Variants in GATM observed in about 807,000 individuals in gnomAD.
GATM encodes glycine amidinotransferase.
In GATM, 23 loss-of-function variants were observed where a neutral mutation model predicts 54.2. The observed-to-expected ratio is 0.42, with a 90% CI of 0.31 to 0.60. The LOEUF is 0.60. GATM is among the 20% of genes least tolerant of loss of function. The probability of loss-of-function intolerance (pLI) is 0.14; values close to 1 mark genes in which losing one functional copy is unlikely to be tolerated. For missense variants in GATM, 401 were observed against 544.9 expected (o/e 0.74, Z 2.63); for synonymous variants, 168 against 183.1 (o/e 0.92, Z 0.67).
chr15:45,361,995 G>A lies in GATM; in HGVS notation c.*114C>T, dbSNP rs778880426. Reference sequence around the variant, plus strand: ...AACCAGGCTTACGACCCCTGTTAAGGAGATGATTGTTTAAAGCACTACAGT... The same window carrying A: ...AACCAGGCTTACGACCCCTGTTAAGAAGATGATTGTTTAAAGCACTACAGT... On this transcript the variant is annotated 3_prime_UTR_variant, in exon 9 of 9. Coordinates refer to ENST00000396659, the MANE Select transcript of GATM (RefSeq NM_001482.3). 3 of 727,924 alleles carry A rather than the reference G, an allele frequency of 4.1e-6. No individual in the cohort carries two copies. Among genetic ancestry groups the A allele is most frequent in the Non-Finnish European group, 7.5e-6 (3 of 399,098 alleles). The allele number at this position is 727,924 out of a possible 1,614,324, so 45.1% of individuals were successfully genotyped here. A position where few individuals can be genotyped will look rare whatever the true frequency, so the allele number is the denominator to read the frequency against.
At chr15:45,400,135 T>G (rs1196475125) in intron 1 of GATM, among the ~76,000 whole-genome samples, 1 of 152,194 alleles carries the variant, frequency 6.6e-6, no homozygotes, top group Non-Finnish European at 1.5e-5. Context: ...GGCAGGAGAA[T>G]TGCTTGAACT....
chr15:45,387,594 G>C (rs1889817996), intron 3 of GATM, among the ~76,000 whole-genome samples: 1 of 152,148 alleles, frequency 6.6e-6, no homozygotes, highest in African/African-American at 2.4e-5. Context: ...TCTTTCGCCA[G>C]ACCTCTGGAG....
intron 3 of GATM, among the ~76,000 whole-genome samples, chr15:45,392,612 T>G (rs1394323858): frequency 6.6e-6 from 1 of 152,140 alleles, no homozygotes; most frequent in Non-Finnish European, 1.5e-5. Context: ...GGATGCTGGG[T>G]TTTTTTATGT....
rs926314180 is a variant in GATM at position 45,378,136 on chromosome 15, T to C, written c.69+249A>G. On this transcript the variant is annotated intron_variant, in intron 1 of 8. Transcript: ENST00000396659. ...AGGCCGCGGACGCGCAGACAGCAAGTGGACCCCAAGGGCTGGAGCCGCAAC... is the reference window on the plus strand; with the variant it reads ...AGGCCGCGGACGCGCAGACAGCAAGCGGACCCCAAGGGCTGGAGCCGCAAC... The C allele has an allele frequency of 6.8e-6, 3 of 442,320 alleles. No homozygotes were observed. In the Admixed American group the frequency reaches 1.3e-4, roughly 20 times the overall value. 27.4% of individuals were successfully genotyped at this position (442,320 alleles called of 1,614,324 possible). A position where few individuals can be genotyped will look rare whatever the true frequency, so the allele number is the denominator to read the frequency against.
chr15:45,402,221 C>A (rs1890030720), upstream of GATM: 1 of 661,976 alleles, frequency 1.5e-6, no homozygotes, highest in Non-Finnish European at 2.4e-6. Flanking sequence ...CTCGATTTCA[C>A]GAAAGCGGAC....
At chr15:45,364,938 T>A in intron 6 of GATM, 78 bp from the exon 7 acceptor site, 1 of 1,153,050 alleles carries the variant, frequency 8.7e-7, no homozygotes. Flanking sequence ...ATAGCCCTTA[T>A]CAGTAATAAT....
intron 6 of GATM, among the ~76,000 whole-genome samples, chr15:45,365,157 G>T (rs1889428092): frequency 6.6e-6 from 1 of 152,100 alleles, no homozygotes; most frequent in South Asian, 2.1e-4. Context: ...CTGTCCTTAA[G>T]AAATTCTCAT....
chr15:45,401,797 A>G (rs1156414711), intron 1 of GATM: 2 of 152,238 alleles, frequency 1.3e-5, no homozygotes, highest in African/African-American at 4.8e-5. Context: ...TTTCCTCTCT[A>G]CAAGGGATTT....
upstream of GATM, chr15:45,380,127 A>C (rs1889718315): frequency 8.2e-6 from 1 of 121,374 alleles, no homozygotes; most frequent in Admixed American, 8.4e-5. Context: ...CCGTCTCAAA[A>C]AAAAAAAAAA....
In GATM at chr15:45,366,115, A is replaced by G. The variant is rs2140641491; in HGVS notation, c.909T>C (p.His303=). 6.2e-7 allele frequency: 1 copy of G among 1,614,074 alleles called. No homozygotes were observed. Among genetic ancestry groups the G allele is most frequent in the East Asian group, 2.2e-5 (1 of 44,882 alleles). The change falls in exon 6 of 9, where the codon CAT becomes CAC. Residue 303 remains histidine, a synonymous_variant. Coordinates refer to ENST00000396659, the MANE Select transcript of GATM (RefSeq NM_001482.3). ...IISFKDPNPM[H]IDATFNIIGP... is the part of the protein sequence containing the mutation. ...CAATGATGTTGAAGGTAGCATCAAT[A>G]TGCATGGGATTGGGATCTTTAAAGG...
At chr15:45,381,537 G>T (rs1889741273), upstream of GATM, among the ~76,000 whole-genome samples, 1 of 152,190 alleles carries the variant, frequency 6.6e-6, no homozygotes, top group Non-Finnish European at 1.5e-5. Context: ...AGAGCCCGTT[G>T]TAAGAATTTA....
intron 2 of GATM, among the ~76,000 whole-genome samples, chr15:45,398,934 C>A (rs1475224136): frequency 6.6e-6 from 1 of 151,794 alleles, no homozygotes; most frequent in Non-Finnish European, 1.5e-5. Flanking sequence ...TGATCATTAT[C>A]CTAAAGAAAC....
intron 4 of GATM, among the ~76,000 whole-genome samples, chr15:45,366,937 G>A (rs562657937): frequency 1.3e-5 from 2 of 152,204 alleles, no homozygotes; most frequent in Admixed American, 6.5e-5. Context: ...CTTTATCATA[G>A]GTATGTATAT....
intron 4 of GATM, among the ~76,000 whole-genome samples, chr15:45,367,125 G>A (rs921462239): frequency 6.6e-6 from 1 of 152,132 alleles, no homozygotes; most frequent in Non-Finnish European, 1.5e-5. Flanking sequence ...TGGATCACCT[G>A]AGGTCAGGAG....
At chr15:45,382,013 T>A (rs1204392520), upstream of GATM, among the ~76,000 whole-genome samples, 1 of 152,200 alleles carries the variant, frequency 6.6e-6, no homozygotes, top group Non-Finnish European at 1.5e-5. Flanking sequence ...TTTGAACACG[T>A]GAGTGAATTA....
exon 3 of GATM, chr15:45,397,032 C>CCTT (rs1889943004): frequency 6.6e-6 from 1 of 151,686 alleles, no homozygotes; most frequent in African/African-American, 2.4e-5. Context: ...TTCTACTTAT[C>CCTT]CTTCACGTCT....
chr15:45,383,427 A>C (rs1373451723), upstream of GATM, among the ~76,000 whole-genome samples: 2 of 152,334 alleles, frequency 1.3e-5, no homozygotes, highest in South Asian at 2.1e-4. Context: ...ATACAGCTTT[A>C]AGAAAACTGA....
intron 7 of GATM, chr15:45,364,569 G>T: frequency 1.9e-6 from 1 of 512,950 alleles, no homozygotes; most frequent in Non-Finnish European, 3.5e-6. Context: ...TGCTTTACGT[G>T]ATGTTGTTTT....
chr15:45,383,053 G>A (rs1216665854), upstream of GATM, among the ~76,000 whole-genome samples: 2 of 152,150 alleles, frequency 1.3e-5, no homozygotes, highest in Non-Finnish European at 2.9e-5. Flanking sequence ...AGGACAGGGA[G>A]TCTGTTTTAC....
Sources: gnomAD v4.1 joint callset for allele counts (sites outside exome capture counted in the v4.1 genomes callset) on GRCh38, gnomAD v4.1.1 for gene constraint, MANE v1.5 for transcripts, NCBI Gene and HGNC (gene_info 2026-07-23, HGNC 2026-07-21) for gene names.